The following RUNX1 variants were observed in gnomAD, a reference collection of about 807,000 sequenced individuals.
RUNX1 encodes the protein runt-related transcription factor 1.
A neutral mutation model predicts 42.8 loss-of-function variants in RUNX1; 19 were observed. That is an observed-to-expected ratio of 0.44 (90% CI 0.31 to 0.65). RUNX1 has a LOEUF of 0.65. RUNX1 is among the 30% of genes least tolerant of loss of function. The probability of loss-of-function intolerance (pLI) is 0.07; values close to 1 mark genes in which losing one functional copy is unlikely to be tolerated. For missense variants in RUNX1, 528 were observed against 672.0 expected (o/e 0.79, Z 2.37); for synonymous variants, 271 against 289.4 (o/e 0.94, Z 0.64).
chr21:35,040,559 G>A (rs1479602332), intron 2 of RUNX1, among the ~76,000 whole-genome samples: 4 of 151,858 alleles, frequency 2.6e-5, no homozygotes, highest in African/African-American at 9.7e-5. Context: ...AGATCACGAG[G>A]TCGGGAGATC....
At chr21:34,823,977 A>G (rs928910883) in intron 7 of RUNX1, among the ~76,000 whole-genome samples, 4 of 152,178 alleles carry the variant, frequency 2.6e-5, no homozygotes, top group African/African-American at 7.2e-5. Context: ...TTGAAACCCT[A>G]TTGAGAAAGT....
At chr21:34,887,247 G>GGGGGGGGGGGGGGGGGGGA in intron 3 of RUNX1, 151 bp from the exon 4 acceptor site, 1 of 639,648 alleles carries the variant, frequency 1.6e-6, no homozygotes, top group Non-Finnish European at 2.3e-6. Flanking sequence ...GGGGGTGGGG[G>GGGGGGGGGGGGGGGGGGGA]GGGGCGGGGG....
At chr21:34,872,112 G>A (rs141324834) in intron 5 of RUNX1, among the ~76,000 whole-genome samples, 3,359 of 152,248 alleles carry the variant, frequency 0.022, 114 homozygotes, top group African/African-American at 0.076. Context: ...CTAAAGTGCT[G>A]GGATTACAGG....
intron 2 of RUNX1, among the ~76,000 whole-genome samples, chr21:35,047,431 T>G (rs2059403952): frequency 6.6e-6 from 1 of 151,786 alleles, no homozygotes; most frequent in Non-Finnish European, 1.5e-5. Context: ...AAGAAGCACT[T>G]GAAAACTCTT....
chr21:34,811,492 G>A (rs957802210), intron 7 of RUNX1, among the ~76,000 whole-genome samples: 8 of 152,112 alleles, frequency 5.3e-5, no homozygotes, highest in East Asian at 1.9e-4. Flanking sequence ...GCTTCATGTC[G>A]TCTTCTACAC....
At chr21:34,931,324 A>G (rs2058443073) in intron 2 of RUNX1, among the ~76,000 whole-genome samples, 1 of 144,304 alleles carries the variant, frequency 6.9e-6, no homozygotes, top group East Asian at 2.0e-4. Context: ...TGCATTATAT[A>G]TATATACACA....
intron 2 of RUNX1, among the ~76,000 whole-genome samples, chr21:34,984,129 C>A (rs1380815115): frequency 6.6e-6 from 1 of 151,940 alleles, no homozygotes; most frequent in African/African-American, 2.4e-5. Context: ...GCCAGATTCA[C>A]AAAGGGAACA....
intron 7 of RUNX1, among the ~76,000 whole-genome samples, chr21:34,830,226 T>C (rs934173401): frequency 2.4e-4 from 37 of 152,194 alleles, no homozygotes; most frequent in Admixed American, 6.5e-5. Flanking sequence ...TTGGTCCCAA[T>C]GAACTTCAAA....
chr21:35,015,704 T>A (rs1374068581), intron 2 of RUNX1, among the ~76,000 whole-genome samples: 1 of 152,226 alleles, frequency 6.6e-6, no homozygotes, highest in Non-Finnish European at 1.5e-5. Flanking sequence ...GAGTGCTTAC[T>A]GTGTTCCAGG....
intron 2 of RUNX1, among the ~76,000 whole-genome samples, chr21:34,997,658 G>A (rs577749570): frequency 1.6e-4 from 25 of 151,912 alleles, no homozygotes; most frequent in African/African-American, 5.8e-4. Flanking sequence ...AGGCAGGAAC[G>A]TCTTACCAGG....
intron 7 of RUNX1, among the ~76,000 whole-genome samples, chr21:34,806,206 A>C (rs2056677358): frequency 2.0e-5 from 3 of 152,224 alleles, no homozygotes; most frequent in Non-Finnish European, 4.4e-5. Context: ...TGTGGATTAA[A>C]GACAAGACCC....
chr21:34,821,239 T>C, intron 7 of RUNX1: 1 of 1,048,908 alleles, frequency 9.5e-7, no homozygotes, highest in Non-Finnish European at 1.2e-6. Context: ...TAACTGGTGA[T>C]ACAACAATGC....
At chr21:34,896,586 G>C (rs1238802816) in intron 2 of RUNX1, among the ~76,000 whole-genome samples, 1 of 152,184 alleles carries the variant, frequency 6.6e-6, no homozygotes, top group African/African-American at 2.4e-5. Flanking sequence ...AGGAGGCTGA[G>C]GCAGGAGAAT....
chr21:34,825,838 A>C (rs2056979033), intron 7 of RUNX1, among the ~76,000 whole-genome samples: 1 of 152,260 alleles, frequency 6.6e-6, no homozygotes, highest in Non-Finnish European at 1.5e-5. Flanking sequence ...ATCCTTAGAC[A>C]AAAGAGATGA....
At chr21:34,881,746 C>T (rs12482508) in intron 4 of RUNX1, among the ~76,000 whole-genome samples, 46,229 of 152,024 alleles carry the variant, frequency 0.3, 8,334 homozygotes, top group African/African-American at 0.51. Context: ...AAAATGAATT[C>T]CAAAGTAAAA....
intron 2 of RUNX1, among the ~76,000 whole-genome samples, chr21:34,919,879 T>C (rs1156251349): frequency 6.6e-6 from 1 of 152,206 alleles, no homozygotes. Context: ...ATTAGTGCTG[T>C]ATTTTTGAAA....
chr21:34,796,431 C>T (rs1250775918), intron 8 of RUNX1, among the ~76,000 whole-genome samples: 1 of 152,210 alleles, frequency 6.6e-6, no homozygotes, highest in Non-Finnish European at 1.5e-5. Context: ...GTTCACCCAT[C>T]CAGCTGTAGC....
intron 8 of RUNX1, among the ~76,000 whole-genome samples, chr21:34,794,238 G>C (rs1306680721): frequency 6.6e-6 from 1 of 152,032 alleles, no homozygotes. Context: ...TATTTAGGTT[G>C]AATGATAGAA....
intron 7 of RUNX1, chr21:34,821,132 T>A: frequency 1.3e-6 from 1 of 781,028 alleles, no homozygotes; most frequent in South Asian, 6.0e-5. Context: ...AAACCACCAA[T>A]ACCTTTATCC....
Sources: gnomAD v4.1 joint callset for allele counts (sites outside exome capture counted in the v4.1 genomes callset) on GRCh38, gnomAD v4.1.1 for gene constraint, MANE v1.5 for transcripts, NCBI Gene and HGNC (gene_info 2026-07-23, HGNC 2026-07-21) for gene names.